Variants in PKHD1L1 observed in about 807,000 individuals in gnomAD.
PKHD1L1 encodes PKHD1 like 1.
A neutral mutation model predicts 462.9 loss-of-function variants in PKHD1L1; 434 were observed. The observed-to-expected ratio is 0.94, with a 90% CI of 0.87 to 1.02. PKHD1L1 has a LOEUF of 1.02. PKHD1L1 is among the 50% of genes least tolerant of loss of function. PKHD1L1 has a pLI of 0.00. For missense variants in PKHD1L1, 5,202 were observed against 5,096.1 expected (o/e 1.02, Z -0.63); for synonymous variants, 1,781 against 1,750.0 (o/e 1.02, Z -0.44).
intron 10 of PKHD1L1, among the ~76,000 whole-genome samples, chr8:109,395,184 G>A (rs542756947): frequency 4.5e-4 from 69 of 152,274 alleles, no homozygotes; most frequent in African/African-American, 1.6e-3. Context: ...TGTAAAGTCT[G>A]GTAACTTGGA....
rs1437072675 is a variant in PKHD1L1 at position 109,535,723 on chromosome 8, G to A, written c.*5633G>A. ...TAACAATATTTATATTAATCAGACA[G>A]CAAAGTAACAAACTGACTTAGAGGA... On this transcript the variant is annotated 3_prime_UTR_variant, in exon 78 of 78. Coordinates refer to ENST00000378402, the MANE Select transcript of PKHD1L1 (RefSeq NM_177531.6). Among the ~76,000 whole-genome samples, 1 of 152,224 alleles carries A rather than the reference G, an allele frequency of 6.6e-6. No homozygotes were observed. The highest frequency in any genetic ancestry group is 2.1e-4 in the South Asian group (1 of 4,834).
chr8:109,488,420 A>T (rs552035194), intron 59 of PKHD1L1, among the ~76,000 whole-genome samples: 1 of 152,044 alleles, frequency 6.6e-6, no homozygotes, highest in Non-Finnish European at 1.5e-5. Flanking sequence ...TCTTGACATG[A>T]CTTAGTTTTC....
At chr8:109,458,165 C>T (rs1816922783) in intron 46 of PKHD1L1, among the ~76,000 whole-genome samples, 1 of 152,078 alleles carries the variant, frequency 6.6e-6, no homozygotes, top group Non-Finnish European at 1.5e-5. Context: ...TTTCTTTAAA[C>T]ACCTATAGTC....
At chr8:109,454,516 A>G (rs1043005169) in intron 44 of PKHD1L1, among the ~76,000 whole-genome samples, 13 of 152,218 alleles carry the variant, frequency 8.5e-5, no homozygotes, top group Non-Finnish European at 1.8e-4. Flanking sequence ...GCTAAAGTCA[A>G]TCAGTATACC....
At chr8:109,426,949 G>A (rs534059097) in intron 24 of PKHD1L1, 53 bp from the exon 25 acceptor site, 38 of 1,027,390 alleles carry the variant, frequency 3.7e-5, no homozygotes, top group African/African-American at 1.9e-4. Flanking sequence ...CACCACATCC[G>A]GCCCGTTTGT....
chr8:109,517,797 T>A (rs1820350408), intron 72 of PKHD1L1, among the ~76,000 whole-genome samples: 1 of 152,148 alleles, frequency 6.6e-6, no homozygotes, highest in South Asian at 2.1e-4. Flanking sequence ...TAAATTTATA[T>A]TTTTAAATTA....
Position 109,408,212 on chromosome 8 carries a change from G to T in PKHD1L1, c.1971+6G>T. ...TATGGTCATCAGAAGCTGAAGTACG[G>T]TGTAGGAATGTTTCTACCACGCATT... is the stretch of plus-strand genomic sequence containing the variant. On this transcript the variant is annotated splice_donor_region_variant and intron_variant, in intron 18 of 77. Transcript: ENST00000378402. 6.2e-7 allele frequency: 1 copy of T among 1,607,338 alleles called. No individual in the cohort carries two copies. The highest frequency in any genetic ancestry group is 8.5e-7 in the Non-Finnish European group (1 of 1,176,056).
chr8:109,483,354 T>C (rs569720928), intron 57 of PKHD1L1, among the ~76,000 whole-genome samples: 1 of 150,416 alleles, frequency 6.6e-6, no homozygotes, highest in East Asian at 1.9e-4. Context: ...GTATATTGTA[T>C]TTATATATAT....
At chr8:109,500,059 A>G (rs758465719) in intron 67 of PKHD1L1, among the ~76,000 whole-genome samples, 5 of 152,186 alleles carry the variant, frequency 3.3e-5, no homozygotes, top group Non-Finnish European at 4.4e-5. Flanking sequence ...TTAACAGCCA[A>G]TATTCAAAGA....
rs930927644 is a variant in PKHD1L1 at position 109,426,717 on chromosome 8, G to A, written c.2846-285G>A. 3.3e-5 allele frequency among the ~76,000 whole-genome samples: 5 copies of A among 152,168 alleles called. No homozygotes were observed. The East Asian group carries it at 9.7e-4, about 29-fold the overall frequency. On this transcript the variant is annotated intron_variant, in intron 24 of 77. Transcript: ENST00000378402. ...CACCAAGGCTTTAGTGCAGTGGCAC[G>A]ATCTTGGACACTACAACCTCCGCCT...
chr8:109,380,799 G>A (rs1368604984), intron 2 of PKHD1L1, among the ~76,000 whole-genome samples: 1 of 152,034 alleles, frequency 6.6e-6, no homozygotes, highest in Non-Finnish European at 1.5e-5. Flanking sequence ...TTATGTGCTG[G>A]CAAATCCTTA....
chr8:109,411,007 T>G (rs4735132), intron 19 of PKHD1L1, among the ~76,000 whole-genome samples: 45,838 of 151,490 alleles, frequency 0.3, 7,555 homozygotes, highest in Admixed American at 0.44. Flanking sequence ...GATTACAGAC[T>G]TGAGCCACCG....
At position 109,400,087 on chromosome 8, in the gene PKHD1L1, C is replaced by T. The variant is rs1813192175; in HGVS notation, c.1024C>T (p.Leu342=). Reference sequence around the variant, plus strand: ...TTCATTACACTTAGGAGGGAGAGGCCTGAAGCTTGAGGTGTGGAATAATAG... The same window carrying T: ...TTCATTACACTTAGGAGGGAGAGGCTTGAAGCTTGAGGTGTGGAATAATAG... ...LKTVYPGGRG[L]KLEVWNNSRP... The change falls in exon 13 of 78, where the codon CTG becomes TTG. Residue 342 remains leucine, a synonymous_variant. Transcript: ENST00000378402. 1.1e-5 allele frequency: 17 copies of T among 1,611,410 alleles called. No individual in the cohort carries two copies. The highest frequency in any genetic ancestry group is 2.2e-5 in the East Asian group (1 of 44,852).
chr8:109,386,336 G>A (rs1281781190), intron 6 of PKHD1L1, among the ~76,000 whole-genome samples: 4 of 152,164 alleles, frequency 2.6e-5, no homozygotes, highest in East Asian at 1.9e-4. Context: ...AGAAAAAAGT[G>A]TAGACTCATG....
Position 109,412,313 on chromosome 8 carries a change from GGTC to G in PKHD1L1, c.2137_2139del (p.Arg713del). Reference sequence around the variant, plus strand: ...GACAGCTGAAACCGATGCTTACTGTGGTCGTTATTCCCTGAAAAACCCAGCTGT... The same window carrying G: ...GACAGCTGAAACCGATGCTTACTGTGGTTATTCCCTGAAAAACCCAGCTGT... On this transcript the variant is annotated inframe_deletion, in exon 20 of 78. Transcript: ENST00000378402. 6.2e-7 allele frequency: 1 copy of G among 1,613,766 alleles called. No homozygotes were observed. Among genetic ancestry groups the G allele is most frequent in the South Asian group, 1.1e-5 (1 of 91,058 alleles).
Position 109,381,480 on chromosome 8 carries a change from G to A in PKHD1L1, c.274G>A (p.Ala92Thr), listed in dbSNP as rs1166716025. The change falls in exon 3 of 78, where the codon GCA becomes ACA. Residue 92 changes from alanine (A) to threonine (T), a missense_variant. Ala to Thr is a moderately conservative substitution (Grantham distance 58). Transcript: ENST00000378402. ...AATTACTTGTGATGTAGAAAAAGAT[G>A]CAAGTCATTCAACTCAAATTACATG... ...QSITCDVEKD[A>T]SHSTQITCYT... 3 of 1,582,818 alleles carry A rather than the reference G, an allele frequency of 1.9e-6. No individual in the cohort carries two copies. Among genetic ancestry groups the A allele is most frequent in the African/African-American group, 1.3e-5 (1 of 74,548 alleles).
At chr8:109,509,065 C>T (rs917106605) in intron 70 of PKHD1L1, among the ~76,000 whole-genome samples, 2 of 151,920 alleles carry the variant, frequency 1.3e-5, no homozygotes, top group East Asian at 1.9e-4. Context: ...ATTTATGTGC[C>T]CTTGTAGTGT....
At chr8:109,395,932 C>A in intron 10 of PKHD1L1, 95 bp from the exon 11 acceptor site, 1 of 755,640 alleles carries the variant, frequency 1.3e-6, no homozygotes, top group Non-Finnish European at 2.3e-6. Context: ...CTGTGTTAGG[C>A]ACTATGGCTA....
At chr8:109,523,693 G>A (rs774073129) in intron 76 of PKHD1L1, among the ~76,000 whole-genome samples, 1 of 152,112 alleles carries the variant, frequency 6.6e-6, no homozygotes, top group Non-Finnish European at 1.5e-5. Flanking sequence ...TTAACATACA[G>A]ATTTTCAAAT....
Sources: gnomAD v4.1 joint callset for allele counts (sites outside exome capture counted in the v4.1 genomes callset) on GRCh38, gnomAD v4.1.1 for gene constraint, MANE v1.5 for transcripts, NCBI Gene and HGNC (gene_info 2026-07-23, HGNC 2026-07-21) for gene names.